PRKN: variants seen among roughly 807,000 people sequenced by gnomAD.
The protein encoded by PRKN is parkin RBR E3 ubiquitin protein ligase.
A neutral mutation model predicts 59.5 loss-of-function variants in PRKN; 56 were observed. The observed-to-expected ratio is 0.94, with a 90% CI of 0.76 to 1.18. The LOEUF (loss-of-function observed/expected upper bound fraction) is 1.18. Ranked by LOEUF, PRKN falls within the 50% of genes most tolerant of loss-of-function variation. The pLI is 0.00. For missense variants in PRKN, 657 were observed against 596.4 expected, an observed-to-expected ratio of 1.10 and a Z score of -1.06; for synonymous variants, 250 against 222.1, an observed-to-expected ratio of 1.13 and a Z score of -1.12.
At chr6:162,151,854 G>T (rs914677587) in intron 4 of PRKN, among the ~76,000 whole-genome samples, 1 of 152,144 alleles carries the variant, frequency 6.6e-6, no homozygotes, top group Non-Finnish European at 1.5e-5. Flanking sequence ...GGTGAAAAGT[G>T]TAAGAGACAT....
chr6:162,475,329 G>A (rs1172757904), intron 1 of PRKN, among the ~76,000 whole-genome samples: 2 of 152,142 alleles, frequency 1.3e-5, no homozygotes, highest in Non-Finnish European at 2.9e-5. Context: ...CAAGTGTTGT[G>A]GGCCAAAAGC....
At chr6:162,380,158 A>C (rs1562716013) in intron 2 of PRKN, among the ~76,000 whole-genome samples, 1 of 152,074 alleles carries the variant, frequency 6.6e-6, no homozygotes, top group Non-Finnish European at 1.5e-5. Flanking sequence ...AATAGACTGT[A>C]ATTTGGCACT....
chr6:162,456,408 G>A (rs1790874810), intron 1 of PRKN, among the ~76,000 whole-genome samples: 1 of 152,042 alleles, frequency 6.6e-6, no homozygotes, highest in Admixed American at 6.6e-5. Context: ...TAAGTGATTT[G>A]TATACTAAAA....
At chr6:162,538,637 T>C (rs1331274318) in intron 1 of PRKN, among the ~76,000 whole-genome samples, 1 of 152,170 alleles carries the variant, frequency 6.6e-6, no homozygotes, top group African/African-American at 2.4e-5. Flanking sequence ...ACAGAATCTC[T>C]GAGGCAACGA....
chr6:161,703,225 G>A (rs1786327880), intron 7 of PRKN, among the ~76,000 whole-genome samples: 1 of 152,058 alleles, frequency 6.6e-6, no homozygotes, highest in Admixed American at 6.6e-5. Context: ...GATTTCTTGA[G>A]CCTAGGAGTT....
intron 1 of PRKN, among the ~76,000 whole-genome samples, chr6:162,453,310 C>T (rs1790714083): frequency 6.6e-6 from 1 of 152,126 alleles, no homozygotes; most frequent in Non-Finnish European, 1.5e-5. Flanking sequence ...CAGTAGAATT[C>T]CCTCCTCTCT....
At chr6:161,775,325 C>T (rs1388953349) in intron 7 of PRKN, among the ~76,000 whole-genome samples, 2 of 152,080 alleles carry the variant, frequency 1.3e-5, no homozygotes, top group Non-Finnish European at 2.9e-5. Context: ...TCACTGCAAC[C>T]TCAGCCTCCC....
At chr6:161,661,447 A>C (rs896794016) in intron 7 of PRKN, among the ~76,000 whole-genome samples, 1 of 151,916 alleles carries the variant, frequency 6.6e-6, no homozygotes, top group African/African-American at 2.4e-5. Context: ...GTTCCTTTGG[A>C]TCTATCTTCA....
chr6:161,992,422 T>C (rs1317588132), intron 5 of PRKN, among the ~76,000 whole-genome samples: 2 of 152,160 alleles, frequency 1.3e-5, no homozygotes, highest in East Asian at 3.8e-4. Flanking sequence ...CAATTCTAAA[T>C]ATATGTGTAC....
chr6:161,692,818 C>T (rs1785853844), intron 7 of PRKN, among the ~76,000 whole-genome samples: 1 of 151,942 alleles, frequency 6.6e-6, no homozygotes, highest in Admixed American at 6.6e-5. Context: ...CATGGTAGCG[C>T]ACACCTGTAA....
chr6:161,663,480 G>A (rs1411709339), intron 7 of PRKN, among the ~76,000 whole-genome samples: 2 of 152,122 alleles, frequency 1.3e-5, no homozygotes, highest in South Asian at 4.1e-4. Context: ...ACCCACAGCA[G>A]GGTCTAATCG....
intron 10 of PRKN, among the ~76,000 whole-genome samples, chr6:161,366,343 T>C (rs1002862133): frequency 3.3e-5 from 5 of 152,054 alleles, no homozygotes; most frequent in African/African-American, 4.8e-5. Context: ...CCAGAGCTGC[T>C]GAGGGGCCGA....
At chr6:161,979,267 G>A (rs1322547570) in intron 5 of PRKN, among the ~76,000 whole-genome samples, 4 of 151,874 alleles carry the variant, frequency 2.6e-5, no homozygotes, top group African/African-American at 4.8e-5. Flanking sequence ...TGCCATAAGC[G>A]TTTTCAACTT....
At chr6:161,994,635 A>C (rs1781772343) in intron 5 of PRKN, among the ~76,000 whole-genome samples, 1 of 152,108 alleles carries the variant, frequency 6.6e-6, no homozygotes, top group Non-Finnish European at 1.5e-5. Flanking sequence ...CACAAAATCA[A>C]CATGCAAAAA....
chr6:161,850,916 T>C (rs1205863648), intron 6 of PRKN, among the ~76,000 whole-genome samples: 1 of 152,224 alleles, frequency 6.6e-6, no homozygotes, highest in Non-Finnish European at 1.5e-5. Context: ...CAATCTCCTT[T>C]AAATACTGGG....
chr6:162,139,748 C>A (rs970820851), intron 4 of PRKN, among the ~76,000 whole-genome samples: 3 of 152,064 alleles, frequency 2.0e-5, no homozygotes, highest in African/African-American at 4.8e-5. Context: ...CAGACCCGCA[C>A]CTATACATAG....
At chr6:162,666,961 T>C (rs1428083781) in intron 1 of PRKN, among the ~76,000 whole-genome samples, 1 of 152,116 alleles carries the variant, frequency 6.6e-6, no homozygotes. Context: ...ACAAAGTACT[T>C]AGGATTATGA....
At chr6:162,548,828 A>G (rs916602019) in intron 1 of PRKN, among the ~76,000 whole-genome samples, 2 of 152,148 alleles carry the variant, frequency 1.3e-5, no homozygotes, top group Non-Finnish European at 2.9e-5. Context: ...ATAACTTGAC[A>G]TTTTAGAAAT....
intron 6 of PRKN, among the ~76,000 whole-genome samples, chr6:161,819,301 G>C (rs1791920884): frequency 6.6e-6 from 1 of 152,066 alleles, no homozygotes; most frequent in Non-Finnish European, 1.5e-5. Context: ...AGCCAGCCTG[G>C]ACAACATGGT....
Sources: allele counts gnomAD v4.1 joint callset (sites outside exome capture counted in the v4.1 genomes callset), GRCh38; gene constraint gnomAD v4.1.1; transcripts MANE v1.5; gene names NCBI Gene and HGNC (gene_info 2026-07-23, HGNC 2026-07-21).